MBIP: variants seen among roughly 807,000 people sequenced by gnomAD.
The protein encoded by MBIP is MAP3K12 binding inhibitory protein 1.
In MBIP, 32 loss-of-function variants were observed where a neutral mutation model predicts 45.7. The ratio of observed to expected loss-of-function variants is 0.70; its 90% CI spans 0.53 to 0.94. MBIP has a LOEUF of 0.94. Ranked by LOEUF, MBIP falls within the 40% of genes least tolerant of loss-of-function variation. The pLI is 0.00. For synonymous variants in MBIP, 145 were observed against 141.0 expected, an observed-to-expected ratio of 1.03 and a Z score of -0.20; for missense variants, 381 against 405.5, an observed-to-expected ratio of 0.94 and a Z score of 0.52.
chr14:36,311,947 G>T lies in MBIP; in HGVS notation c.637+12C>A. On this transcript the variant is annotated intron_variant, in intron 5 of 8. Coordinates refer to ENST00000416007, the MANE Select transcript of MBIP (RefSeq NM_016586.3). ...CTGTCAGTGACTCAGATGTCATGTGGTGGTTACTTACCTTTTACGTGACTT... is the reference window on the plus strand; with the variant it reads ...CTGTCAGTGACTCAGATGTCATGTGTTGGTTACTTACCTTTTACGTGACTT... 1.3e-6 allele frequency: 2 copies of T among 1,573,840 alleles called. No homozygotes were observed. The highest frequency in any genetic ancestry group is 1.7e-6 in the Non-Finnish European group (2 of 1,156,584).
chr14:36,300,823 T>C lies in MBIP; in HGVS notation c.889A>G (p.Ser297Gly), dbSNP rs760390129. 2 of 1,510,364 alleles carry C rather than the reference T, an allele frequency of 1.3e-6. No individual in the cohort carries two copies. Among genetic ancestry groups the C allele is most frequent in the South Asian group, 1.2e-5 (1 of 80,766 alleles). The allele number at this position is 1,510,364 out of a possible 1,614,324, so 93.6% of individuals were successfully genotyped here. The change falls in exon 8 of 9, where the codon AGC (serine) becomes GGC (glycine). Residue 297 changes from serine to glycine, a missense_variant and splice_region_variant. By Grantham distance (56) the Ser-to-Gly change is moderately conservative. Coordinates refer to ENST00000416007, the MANE Select transcript of MBIP (RefSeq NM_016586.3). ...GISPEYFQSV[S>G]FSGKRRKVQP... is the part of the protein sequence containing the mutation. The stretch of plus-strand genomic sequence containing the variant: ...ACTTTTCTTCTTTTTCCAGAAAAGC[T>C]CTAGATTAAAAAAAAAAAGGTAATG...
intron 1 of MBIP, among the ~76,000 whole-genome samples, chr14:36,317,468 C>G (rs1445402517): frequency 6.6e-6 from 1 of 152,100 alleles, no homozygotes; most frequent in East Asian, 1.9e-4. Flanking sequence ...ACAAAGACTT[C>G]TCCACCACAG....
intron 4 of MBIP, chr14:36,313,420 T>C (rs1880335062): frequency 1.3e-5 from 2 of 152,126 alleles, no homozygotes; most frequent in African/African-American, 4.8e-5. Context: ...ATTTCAATTC[T>C]CGTCAATTTC....
At position 36,308,186 on chromosome 14, in the gene MBIP, C is replaced by T; in HGVS notation, c.794G>A (p.Gly265Asp). ...CTGATAAATGTCTCTTGGCACTGGA[C>T]CACCTAAATACATTAAAAAAAAATC... ...IEAHLRLQTG[G>D]PVPRDIYQRI... Residue 265 changes from glycine to aspartate, a missense_variant, in exon 7 of 9, where the codon GGT becomes GAT. Transcript: ENST00000416007. 6.5e-7 allele frequency: 1 copy of T among 1,544,262 alleles called. No individual in the cohort carries two copies. The highest frequency in any genetic ancestry group is 8.9e-7 in the Non-Finnish European group (1 of 1,128,762).
chr14:36,317,935 T>A (rs1880674328), intron 1 of MBIP, among the ~76,000 whole-genome samples: 1 of 152,020 alleles, frequency 6.6e-6, no homozygotes, highest in Admixed American at 6.5e-5. Flanking sequence ...GAATAAATAC[T>A]ATGTGACAGA....
At chr14:36,308,403 C>T (rs1007644198) in intron 6 of MBIP, among the ~76,000 whole-genome samples, 1 of 152,128 alleles carries the variant, frequency 6.6e-6, no homozygotes, top group South Asian at 2.1e-4. Flanking sequence ...CTCTCCAAAC[C>T]CCATTTATGC....
intron 5 of MBIP, 79 bp from the exon 6 acceptor site, chr14:36,311,804 A>AT: frequency 2.3e-6 from 3 of 1,325,322 alleles, no homozygotes; most frequent in South Asian, 1.5e-5. Context: ...AGCACTTTAT[A>AT]TTTTTTTCAT....
chr14:36,300,284 A>C (rs1879461957), intron 8 of MBIP, among the ~76,000 whole-genome samples: 1 of 152,222 alleles, frequency 6.6e-6, no homozygotes. Flanking sequence ...TACAAGAAAA[A>C]AATATGCTAC....
chr14:36,311,513 T>C, intron 6 of MBIP, 60 bp downstream of exon 6: 1 of 1,505,712 alleles, frequency 6.6e-7, no homozygotes, highest in Non-Finnish European at 9.0e-7. Flanking sequence ...CTAAATGAAC[T>C]GCAATTTTTT....
At chr14:36,309,397 T>G (rs2139216014) in intron 6 of MBIP, among the ~76,000 whole-genome samples, 1 of 152,366 alleles carries the variant, frequency 6.6e-6, no homozygotes, top group Admixed American at 6.5e-5. Context: ...TAGGTAGGGC[T>G]GTGCAGCTTG....
Position 36,320,618 on chromosome 14 carries a change from C to T in MBIP, c.-30G>A, listed in dbSNP as rs774707464. 1.3e-6 allele frequency: 2 copies of T among 1,579,488 alleles called. No homozygotes were observed. Among genetic ancestry groups the T allele is most frequent in the Middle Eastern group, 1.9e-4 (1 of 5,338 alleles). ...TCTTCTCAGGCCGCCCCACCACCAC[C>T]ACCACCAAGATTTGCTCACAACCCC... is the stretch of plus-strand genomic sequence containing the variant. On this transcript the variant is annotated 5_prime_UTR_variant, in exon 1 of 9. Transcript: ENST00000416007.
intron 1 of MBIP, chr14:36,319,958 A>G (rs1161497132): frequency 5.9e-6 from 1 of 170,132 alleles, no homozygotes; most frequent in African/African-American, 2.4e-5. Flanking sequence ...AAAGGATTAT[A>G]GATGCGCAAA....
chr14:36,315,641 T>G (rs550266194), intron 2 of MBIP, among the ~76,000 whole-genome samples: 1 of 152,090 alleles, frequency 6.6e-6, no homozygotes, highest in African/African-American at 2.4e-5. Context: ...ACTATATTAC[T>G]CATTTACTGT....
At chr14:36,313,540 T>C (rs766725727) in intron 4 of MBIP, 3 of 152,138 alleles carry the variant, frequency 2.0e-5, no homozygotes, top group Non-Finnish European at 4.4e-5. Context: ...TCGCTTGTAG[T>C]TGGTTGTAGT....
intron 1 of MBIP, chr14:36,319,584 C>T (rs887044738): frequency 4.5e-6 from 2 of 444,212 alleles, no homozygotes; most frequent in African/African-American, 4.0e-5. Context: ...TAGGAATTTA[C>T]CATTATCTTT....
intron 7 of MBIP, among the ~76,000 whole-genome samples, chr14:36,302,936 A>G (rs1313170189): frequency 6.6e-6 from 1 of 152,204 alleles, no homozygotes; most frequent in African/African-American, 2.4e-5. Flanking sequence ...GACATGTGAT[A>G]CGATGCTCTC....
At chr14:36,309,055 C>G (rs1471710005) in intron 6 of MBIP, among the ~76,000 whole-genome samples, 5 of 152,154 alleles carry the variant, frequency 3.3e-5, no homozygotes, top group Non-Finnish European at 7.3e-5. Context: ...TCCCTATGCC[C>G]ACATGGTTCC....
intron 6 of MBIP, among the ~76,000 whole-genome samples, chr14:36,310,823 T>C (rs770519377): frequency 6.6e-5 from 10 of 152,158 alleles, no homozygotes; most frequent in Non-Finnish European, 1.3e-4. Context: ...CCCAGAGGTG[T>C]AGCTGGAACT....
Position 36,316,679 on chromosome 14 carries a change from A to C in MBIP, c.249+14T>G. ...TTTTCAATATCGGGTTATCATTTCTAACAAGAAATTTACCTGTAAATATAA... is the reference window on the plus strand; with the variant it reads ...TTTTCAATATCGGGTTATCATTTCTCACAAGAAATTTACCTGTAAATATAA... On this transcript the variant is annotated intron_variant, in intron 2 of 8. Coordinates refer to ENST00000416007, the MANE Select transcript of MBIP (RefSeq NM_016586.3). 1 of 1,592,098 alleles carries C rather than the reference A, an allele frequency of 6.3e-7. No individual in the cohort carries two copies. The highest frequency in any genetic ancestry group is 8.5e-7 in the Non-Finnish European group (1 of 1,171,442).
Sources: allele counts gnomAD v4.1 joint callset (sites outside exome capture counted in the v4.1 genomes callset), GRCh38; gene constraint gnomAD v4.1.1; transcripts MANE v1.5; gene names NCBI Gene and HGNC (gene_info 2026-07-23, HGNC 2026-07-21).